Variants in SLC14A2 observed in about 807,000 individuals in gnomAD.
SLC14A2 encodes urea transporter 2.
Under a neutral mutation model 104.6 loss-of-function variants are expected in SLC14A2, and 91 were observed. The observed-to-expected ratio is 0.87, with a 90% confidence interval of 0.73 to 1.04. The LOEUF (loss-of-function observed/expected upper bound fraction) is 1.04. Ranked by LOEUF, SLC14A2 falls within the 50% of genes least tolerant of loss-of-function variation. The probability of loss-of-function intolerance (pLI) is 0.00; values close to 1 mark genes in which losing one functional copy is unlikely to be tolerated. For synonymous variants in SLC14A2, 476 were observed against 466.4 expected, an observed-to-expected ratio of 1.02 and a Z score of -0.27; for missense variants, 1,189 against 1,156.0, an observed-to-expected ratio of 1.03 and a Z score of -0.41.
chr18:45,662,501 A>C (rs533444397), intron 10 of SLC14A2, among the ~76,000 whole-genome samples: 32 of 152,272 alleles, frequency 2.1e-4, no homozygotes, highest in Non-Finnish European at 4.4e-4. Context: ...CAAATTCAGT[A>C]GTTCTGGGGT....
intron 1 of SLC14A2, among the ~76,000 whole-genome samples, chr18:45,338,242 C>T (rs1466447053): frequency 6.6e-6 from 1 of 151,936 alleles, no homozygotes; most frequent in Non-Finnish European, 1.5e-5. Context: ...ACTCTGTTAC[C>T]CAGGCTGGAG....
rs576610413 is a variant in SLC14A2 at position 45,463,631 on chromosome 18, G to A, written c.-124-19602G>A. ...CAGTCATCTTTTTGTGTGTGTGCAT[G>A]CTTCCGTTTCTGGCTGGGGTTTTCC... On this transcript the variant is annotated intron_variant, in intron 1 of 20. Coordinates refer to the SLC14A2 transcript ENST00000586448. 2.1e-4 allele frequency among the ~76,000 whole-genome samples: 32 copies of A among 152,336 alleles called. 2 individuals are homozygous for A. The South Asian group carries it at 2.3e-3, about 11-fold the overall frequency.
At chr18:45,490,086 C>T (rs2052370) in intron 2 of SLC14A2, 79,574 of 151,804 alleles carry the variant, frequency 0.52, 20,841 homozygotes, top group Middle Eastern at 0.61. Context: ...AAGTATGTGT[C>T]GAATGAGGTA....
At position 45,660,266 on chromosome 18, in the gene SLC14A2, A is replaced by G. The variant is rs192482932; in HGVS notation, c.1352-3519A>G. Among the ~76,000 whole-genome samples, 45 of 152,322 alleles carry G rather than the reference A, an allele frequency of 3.0e-4. 1 individual carries two copies. In the East Asian group the frequency reaches 4.1e-3, roughly 14 times the overall value. On this transcript the variant is annotated intron_variant, in intron 10 of 19. Transcript: ENST00000255226. ...CATAATCCTGGCTGTCAAAGATCTC[A>G]CCATCCTACAAAGGTGACAAGTCAA...
chr18:45,465,667 A>G (rs564477796), intron 1 of SLC14A2, among the ~76,000 whole-genome samples: 2 of 152,198 alleles, frequency 1.3e-5, no homozygotes, highest in East Asian at 3.9e-4. Flanking sequence ...GCCTGGGACA[A>G]TGGACTCCCA....
chr18:45,277,315 A>G (rs2084712904), intron 1 of SLC14A2, among the ~76,000 whole-genome samples: 1 of 152,248 alleles, frequency 6.6e-6, no homozygotes, highest in African/African-American at 2.4e-5. Flanking sequence ...AAAGCCCAAC[A>G]CATTATAAGA....
At chr18:45,168,790 T>A in the SLC14A2 span, 2 of 151,978 alleles carry the variant, frequency 1.3e-5, no homozygotes, top group African/African-American at 2.4e-5. Flanking sequence ...GCCTGGAACA[T>A]GATGCTCACA....
chr18:45,591,244 T>C (rs981101843), intron 2 of SLC14A2, among the ~76,000 whole-genome samples: 2 of 152,232 alleles, frequency 1.3e-5, no homozygotes, highest in Non-Finnish European at 2.9e-5. Context: ...TCTCCAACTG[T>C]AATGGGCATA....
chr18:45,267,167 G>C (rs1159352858), intron 1 of SLC14A2, among the ~76,000 whole-genome samples: 1 of 152,080 alleles, frequency 6.6e-6, no homozygotes, highest in Non-Finnish European at 1.5e-5. Context: ...CCGGACACAG[G>C]CCTGTCCTGT....
intron 1 of SLC14A2, among the ~76,000 whole-genome samples, chr18:45,295,683 A>G (rs1174899911): frequency 6.6e-6 from 1 of 152,156 alleles, no homozygotes; most frequent in Admixed American, 6.5e-5. Context: ...GGCCTTATCT[A>G]TCTGAAGCCT....
intron 1 of SLC14A2, among the ~76,000 whole-genome samples, chr18:45,433,215 C>A (rs1396674521): frequency 6.6e-6 from 1 of 152,208 alleles, no homozygotes; most frequent in Non-Finnish European, 1.5e-5. Context: ...TCAGTTTTCC[C>A]ATGCATACAG....
chr18:45,362,392 C>T (rs2085621465), intron 1 of SLC14A2, among the ~76,000 whole-genome samples: 1 of 152,148 alleles, frequency 6.6e-6, no homozygotes, highest in African/African-American at 2.4e-5. Flanking sequence ...CCTCTGGTGC[C>T]CCCACCCCAC....
chr18:45,426,198 A>G (rs1031245232), intron 1 of SLC14A2, among the ~76,000 whole-genome samples: 2 of 151,970 alleles, frequency 1.3e-5, no homozygotes, highest in African/African-American at 2.4e-5. Flanking sequence ...TTCTTCCTGA[A>G]CTATCCCGCC....
chr18:45,578,242 C>T (rs570868931), intron 2 of SLC14A2, among the ~76,000 whole-genome samples: 1 of 152,340 alleles, frequency 6.6e-6, no homozygotes, highest in South Asian at 2.1e-4. Flanking sequence ...AGGGCCTAGA[C>T]CTTCTACCAC....
intron 10 of SLC14A2, among the ~76,000 whole-genome samples, chr18:45,656,561 T>C (rs189525581): frequency 1.3e-5 from 2 of 152,276 alleles, no homozygotes; most frequent in Admixed American, 6.5e-5. Context: ...AGACTGATGA[T>C]ACAGACATGC....
intron 2 of SLC14A2, among the ~76,000 whole-genome samples, chr18:45,552,629 T>C (rs1052261309): frequency 6.6e-6 from 1 of 151,820 alleles, no homozygotes; most frequent in African/African-American, 2.4e-5. Flanking sequence ...AAAAACAAAA[T>C]GGATGAGGGA....
chr18:45,639,965 A>C, intron 7 of SLC14A2, 72 bp downstream of exon 7: 1 of 1,377,774 alleles, frequency 7.3e-7, no homozygotes, highest in Non-Finnish European at 1.0e-6. Flanking sequence ...TACATACAGC[A>C]AATCTTCCAG....
intron 1 of SLC14A2, among the ~76,000 whole-genome samples, chr18:45,619,663 G>A (rs2045133337): frequency 6.6e-6 from 1 of 151,882 alleles, no homozygotes; most frequent in Non-Finnish European, 1.5e-5. Context: ...ATGGACTGGC[G>A]CTGAGCTGAG....
At chr18:45,670,178 A>T (rs531655138) in intron 16 of SLC14A2, among the ~76,000 whole-genome samples, 2 of 132,536 alleles carry the variant, frequency 1.5e-5, no homozygotes, top group African/African-American at 5.0e-5. Flanking sequence ...TTCTCAGTGT[A>T]AACTCAGGGC....
Sources: gnomAD v4.1 joint callset for allele counts (sites outside exome capture counted in the v4.1 genomes callset) on GRCh38, gnomAD v4.1.1 for gene constraint, MANE v1.5 for transcripts, NCBI Gene and HGNC (gene_info 2026-07-23, HGNC 2026-07-21) for gene names.